CUX2: variants seen among roughly 807,000 people sequenced by gnomAD.
The protein encoded by CUX2 is homeobox protein cut-like 2.
A neutral mutation model predicts 144.8 loss-of-function variants in CUX2; 40 were observed. That is an observed-to-expected ratio of 0.28 (90% CI 0.21 to 0.36). The LOEUF (loss-of-function observed/expected upper bound fraction) is 0.36, where lower values mean the gene tolerates loss of function less well. CUX2 is among the 10% of genes least tolerant of loss of function. The pLI is 1.00. For synonymous variants in CUX2, 827 were observed against 875.6 expected (o/e 0.94, Z 0.98); for missense variants, 1,615 against 1,994.0 (o/e 0.81, Z 3.62).
At chr12:111,237,761 C>T (rs1450575925) in intron 3 of CUX2, among the ~76,000 whole-genome samples, 2 of 152,204 alleles carry the variant, frequency 1.3e-5, no homozygotes, top group African/African-American at 2.4e-5. Context: ...TCCCTCTTCT[C>T]ACCCGTCATT....
At chr12:111,234,610 G>C (rs1030211845) in intron 3 of CUX2, among the ~76,000 whole-genome samples, 1 of 152,200 alleles carries the variant, frequency 6.6e-6, no homozygotes, top group Non-Finnish European at 1.5e-5. Flanking sequence ...ATGGAACATG[G>C]GGAATGAAGA....
intron 1 of CUX2, among the ~76,000 whole-genome samples, chr12:111,091,431 A>G (rs1056931868): frequency 1.4e-4 from 21 of 152,108 alleles, no homozygotes; most frequent in African/African-American, 5.1e-4. Context: ...TCCTCCCTGT[A>G]CAGACCCCTA....
intron 1 of CUX2, among the ~76,000 whole-genome samples, chr12:111,185,072 A>G (rs890436374): frequency 2.6e-5 from 4 of 152,214 alleles, no homozygotes; most frequent in East Asian, 1.9e-4. Flanking sequence ...TCAAAAAAAA[A>G]GGCACATTGC....
intron 21 of CUX2, among the ~76,000 whole-genome samples, chr12:111,342,314 C>CA (rs575470190): frequency 5.3e-5 from 8 of 151,570 alleles, no homozygotes; most frequent in Admixed American, 3.3e-4. Context: ...CTCGTCTCTA[C>CA]AAAAAAAACT....
At chr12:111,102,502 C>T (rs1873315402) in intron 1 of CUX2, among the ~76,000 whole-genome samples, 2 of 152,236 alleles carry the variant, frequency 1.3e-5, no homozygotes, top group South Asian at 4.1e-4. Flanking sequence ...TGAGCCCACC[C>T]CACCTTCAAC....
chr12:111,162,212 C>G (rs1368222744), intron 1 of CUX2, among the ~76,000 whole-genome samples: 1 of 152,204 alleles, frequency 6.6e-6, no homozygotes, highest in Non-Finnish European at 1.5e-5. Flanking sequence ...TGAGAACTGC[C>G]CCTGGCCACC....
Position 111,320,872 on chromosome 12 carries a change from C to T in CUX2, c.2766+97C>T, listed in dbSNP as rs7308475. 0.01 allele frequency: 13,579 copies of T among 1,295,856 alleles called. 271 individuals carry two copies. The highest frequency in any genetic ancestry group is 0.065 in the East Asian group (2,220 of 34,128). 80.3% of individuals were successfully genotyped at this position (1,295,856 alleles called of 1,614,324 possible). A position where few individuals can be genotyped will look rare whatever the true frequency, so the allele number is the denominator to read the frequency against. The stretch of plus-strand genomic sequence containing the variant: ...GCAGGCTGGCGGGACCCCAGGGGCC[C>T]AGGCCCTTCATTCCTGAGTCCTGCT... On this transcript the variant is annotated intron_variant, in intron 17 of 21. Coordinates refer to ENST00000261726, the MANE Select transcript of CUX2 (RefSeq NM_015267.4). This position sits in a 1 kb window ranked among gnomAD's most constrained non-coding sequence, Gnocchi z 8.1.
intron 3 of CUX2, among the ~76,000 whole-genome samples, chr12:111,225,822 G>A (rs929452851): frequency 6.6e-6 from 1 of 152,164 alleles, no homozygotes; most frequent in African/African-American, 2.4e-5. Flanking sequence ...GCTGTGATTC[G>A]AGCCCAAGTC....
intron 4 of CUX2, among the ~76,000 whole-genome samples, chr12:111,290,671 C>T (rs1885625846): frequency 6.6e-6 from 1 of 152,094 alleles, no homozygotes; most frequent in African/African-American, 2.4e-5. Flanking sequence ...AGGTGATCCA[C>T]CTGCCACAGC....
At chr12:111,279,643 A>G (rs561064080) in intron 4 of CUX2, among the ~76,000 whole-genome samples, 1 of 151,966 alleles carries the variant, frequency 6.6e-6, no homozygotes, top group South Asian at 2.1e-4. Context: ...AGCTGTGATC[A>G]TGGCACTGCC....
intron 21 of CUX2, 42 bp from the exon 22 acceptor site, chr12:111,347,482 G>A: frequency 6.6e-7 from 1 of 1,524,362 alleles, no homozygotes; most frequent in Non-Finnish European, 8.8e-7. Flanking sequence ...GGGTTTGGGA[G>A]TCCCCTGTCC....
Position 111,068,394 on chromosome 12 carries a change from G to A in CUX2, c.63+34154G>A, listed in dbSNP as rs973171487. Among the ~76,000 whole-genome samples, 2 of 152,226 alleles carry A rather than the reference G, an allele frequency of 1.3e-5. No homozygotes were observed. The highest frequency in any genetic ancestry group is 6.5e-5 in the Admixed American group (1 of 15,282). On this transcript the variant is annotated intron_variant, in intron 1 of 21. Coordinates refer to ENST00000261726, the MANE Select transcript of CUX2 (RefSeq NM_015267.4). This position sits in a 1 kb window ranked among gnomAD's most constrained non-coding sequence, Gnocchi z 4.9. ...CATCTGTATGAAAAGCCAGCCAGCC[G>A]GCCGATTTCTGTCCTTTGAAGACGC... is the stretch of plus-strand genomic sequence containing the variant.
rs77407772 is a variant in CUX2, at chr12:111,171,078, G to A, written c.64-43122G>A. ...CTCTTGGGCTGTGACCCAGAGTGGCGTTGGCATCCAAGGAGAGAATAGGTG... is the reference window on the plus strand; with the variant it reads ...CTCTTGGGCTGTGACCCAGAGTGGCATTGGCATCCAAGGAGAGAATAGGTG... On this transcript the variant is annotated intron_variant, in intron 1 of 21. Coordinates refer to ENST00000261726, the MANE Select transcript of CUX2 (RefSeq NM_015267.4). The surrounding 1 kb of genome is among the most constrained non-coding windows in gnomAD (Gnocchi z 5.0). Among the ~76,000 whole-genome samples the A allele has an allele frequency of 0.014, 2,064 of 152,248 alleles. 18 individuals carry two copies. Among genetic ancestry groups the A allele is most frequent in the Non-Finnish European group, 0.019 (1,283 of 68,002 alleles).
chr12:111,176,037 T>G (rs919030898), intron 1 of CUX2, among the ~76,000 whole-genome samples: 1 of 142,686 alleles, frequency 7.0e-6, no homozygotes, highest in Non-Finnish European at 1.5e-5. Flanking sequence ...CTTCTTCTTC[T>G]TCTTTTTTTT....
In CUX2 at chr12:111,168,052, TAG is replaced by T. The variant is rs1878269075; in HGVS notation, c.64-46143_64-46142del. ...GAAACTGAGGCACAGAGAGATCACCTAGAGAGGGCAGTGATAAGATTTGAACT... is the reference window on the plus strand; with the variant it reads ...GAAACTGAGGCACAGAGAGATCACCTAGAGGGCAGTGATAAGATTTGAACT... On this transcript the variant is annotated intron_variant, in intron 1 of 21. Coordinates refer to ENST00000261726, the MANE Select transcript of CUX2 (RefSeq NM_015267.4). 2.0e-5 allele frequency among the ~76,000 whole-genome samples: 3 copies of T among 152,102 alleles called. No homozygotes were observed. The South Asian group carries it at 6.2e-4, about 32-fold the overall frequency.
At chr12:111,215,903 A>G (rs1023962488) in intron 2 of CUX2, among the ~76,000 whole-genome samples, 2 of 152,234 alleles carry the variant, frequency 1.3e-5, no homozygotes, top group Non-Finnish European at 2.9e-5. Flanking sequence ...CATAATTTTA[A>G]TACTGCATAA....
Position 111,255,778 on chromosome 12 carries a change from T to A in CUX2, c.223-7983T>A, listed in dbSNP as rs1274432193. ...AGAGTCAGTGCTCAGTAGTCACTGT[T>A]ATCATCAATAATAATGCACAAATCA... is the stretch of plus-strand genomic sequence containing the variant. On this transcript the variant is annotated intron_variant, in intron 3 of 21. Coordinates refer to ENST00000261726, the MANE Select transcript of CUX2 (RefSeq NM_015267.4). This position sits in a 1 kb window ranked among gnomAD's most constrained non-coding sequence, Gnocchi z 4.1. Among the ~76,000 whole-genome samples, 1 of 152,226 alleles carries A rather than the reference T, an allele frequency of 6.6e-6. No homozygotes were observed. The highest frequency in any genetic ancestry group is 1.5e-5 in the Non-Finnish European group (1 of 68,038).
chr12:111,162,613 G>A (rs1877850569), intron 1 of CUX2, among the ~76,000 whole-genome samples: 1 of 152,236 alleles, frequency 6.6e-6, no homozygotes, highest in African/African-American at 2.4e-5. Context: ...AGCTCTGTGG[G>A]TAATTGACTA....
intron 4 of CUX2, among the ~76,000 whole-genome samples, chr12:111,278,946 C>T (rs1885002245): frequency 6.6e-6 from 1 of 152,186 alleles, no homozygotes; most frequent in South Asian, 2.1e-4. Flanking sequence ...CCCCAGCTCC[C>T]AGCAAGGTAG....
Sources: gnomAD v4.1 joint callset for allele counts (sites outside exome capture counted in the v4.1 genomes callset) on GRCh38, gnomAD v4.1.1 for gene constraint, Gnocchi (gnomAD v3.1) non-coding constraint, MANE v1.5 for transcripts, NCBI Gene and HGNC (gene_info 2026-07-23, HGNC 2026-07-21) for gene names.